Variants in TNIK observed in about 807,000 individuals in gnomAD.
TNIK encodes the protein TRAF2 and NCK interacting kinase.
A neutral mutation model predicts 191.3 loss-of-function variants in TNIK; 49 were observed. The ratio of observed to expected loss-of-function variants is 0.26; its 90% CI spans 0.20 to 0.32. TNIK has a LOEUF of 0.32. Among genes scored for constraint, TNIK ranks in the 10% least tolerant of loss-of-function variants. TNIK has a pLI of 1.00. For missense variants in TNIK, 1,155 were observed against 1,702.3 expected (o/e 0.68, Z 5.66); for synonymous variants, 594 against 600.9 (o/e 0.99, Z 0.17).
At chr3:171,314,940 T>A (rs1754441476) in intron 2 of TNIK, among the ~76,000 whole-genome samples, 1 of 152,244 alleles carries the variant, frequency 6.6e-6, no homozygotes, top group Middle Eastern at 3.4e-3. Flanking sequence ...TATCACAAAT[T>A]CCTGAGTGCT....
At chr3:171,236,817 G>A (rs1036366006) in intron 2 of TNIK, among the ~76,000 whole-genome samples, 3 of 152,038 alleles carry the variant, frequency 2.0e-5, no homozygotes, top group African/African-American at 7.3e-5. Context: ...CTCTCCCCTG[G>A]CCCTGCACAG....
intron 12 of TNIK, among the ~76,000 whole-genome samples, chr3:171,141,656 A>C (rs998869861): frequency 6.6e-6 from 1 of 151,016 alleles, no homozygotes; most frequent in African/African-American, 2.4e-5. Context: ...GTGATGCCAA[A>C]CATCCTGTGC....
intron 9 of TNIK, among the ~76,000 whole-genome samples, chr3:171,168,512 C>G (rs1346564076): frequency 6.6e-6 from 1 of 152,234 alleles, no homozygotes; most frequent in Non-Finnish European, 1.5e-5. Flanking sequence ...ATGCACCACT[C>G]TCTAGTGCTG....
intron 2 of TNIK, among the ~76,000 whole-genome samples, chr3:171,245,475 T>A (rs543550919): frequency 6.6e-6 from 1 of 152,240 alleles, no homozygotes; most frequent in South Asian, 2.1e-4. Context: ...CATAAATTTT[T>A]AAATTTTATT....
At chr3:171,088,948 T>C (rs1360608187) in intron 23 of TNIK, among the ~76,000 whole-genome samples, 5 of 152,248 alleles carry the variant, frequency 3.3e-5, no homozygotes. Context: ...TTCATGCTGT[T>C]TCTTTGACCA....
At chr3:171,220,284 CTAA>C (rs1742137863) in intron 3 of TNIK, among the ~76,000 whole-genome samples, 1 of 152,016 alleles carries the variant, frequency 6.6e-6, no homozygotes, top group African/African-American at 2.4e-5. Flanking sequence ...GGAGAAACAC[CTAA>C]TGTAGATGAC....
chr3:171,421,817 C>T (rs1273392036), intron 1 of TNIK, among the ~76,000 whole-genome samples: 10 of 149,810 alleles, frequency 6.7e-5, no homozygotes, highest in African/African-American at 2.0e-4. Context: ...CTGCAACCTC[C>T]GCCTCCTAGG....
At chr3:171,167,519 A>G (rs1420747855) in intron 9 of TNIK, among the ~76,000 whole-genome samples, 1 of 152,218 alleles carries the variant, frequency 6.6e-6, no homozygotes, top group Non-Finnish European at 1.5e-5. Context: ...TGCACAATTT[A>G]TATGTAACAT....
intron 11 of TNIK, 96 bp downstream of exon 11, chr3:171,161,174 T>C: frequency 7.7e-7 from 1 of 1,297,852 alleles, no homozygotes; most frequent in Non-Finnish European, 1.1e-6. Flanking sequence ...CCTGGTGGAT[T>C]CTTAAAAACG....
chr3:171,089,512 G>T (rs1295763913), intron 23 of TNIK, among the ~76,000 whole-genome samples: 2 of 152,146 alleles, frequency 1.3e-5, no homozygotes. Flanking sequence ...AAAAACTGAT[G>T]CAGACACACT....
intron 2 of TNIK, among the ~76,000 whole-genome samples, chr3:171,259,409 ACT>A (rs1577276708): frequency 6.6e-6 from 1 of 152,142 alleles, no homozygotes; most frequent in South Asian, 2.1e-4. Flanking sequence ...ATTCCTGAAC[ACT>A]CTGCCTGGTG....
intron 27 of TNIK, among the ~76,000 whole-genome samples, chr3:171,081,795 C>T (rs1576756335): frequency 6.6e-6 from 1 of 151,232 alleles, no homozygotes; most frequent in African/African-American, 2.4e-5. Context: ...TAGACTTGAT[C>T]ACCCAGTGTG....
chr3:171,340,635 C>CA (rs1259896589), intron 2 of TNIK, among the ~76,000 whole-genome samples: 1 of 152,180 alleles, frequency 6.6e-6, no homozygotes, highest in Non-Finnish European at 1.5e-5. Context: ...GGCTACCTAT[C>CA]AGCTAGCTTT....
chr3:171,253,233 G>A (rs1269678849), intron 2 of TNIK, among the ~76,000 whole-genome samples: 8 of 146,834 alleles, frequency 5.4e-5, no homozygotes, highest in African/African-American at 1.0e-4. Flanking sequence ...GCAGTGAGCC[G>A]AGATCACACC....
At chr3:171,289,378 T>A (rs752815733) in intron 2 of TNIK, among the ~76,000 whole-genome samples, 8 of 152,204 alleles carry the variant, frequency 5.3e-5, no homozygotes, top group Non-Finnish European at 1.2e-4. Flanking sequence ...TCTTAAAAAC[T>A]CTTCATCTTT....
At chr3:171,266,386 A>G (rs1748409436) in intron 2 of TNIK, among the ~76,000 whole-genome samples, 1 of 152,206 alleles carries the variant, frequency 6.6e-6, no homozygotes, top group African/African-American at 2.4e-5. Context: ...TAAGAGTGGG[A>G]AAACAAAGCA....
At chr3:171,174,159 T>C (rs138273044) in intron 9 of TNIK, among the ~76,000 whole-genome samples, 2 of 152,300 alleles carry the variant, frequency 1.3e-5, no homozygotes, top group South Asian at 4.1e-4. Flanking sequence ...TTCTGTGCAG[T>C]GTGCCCTTTC....
At position 171,123,596 on chromosome 3, in the gene TNIK, C is replaced by T; in HGVS notation, c.2120G>A (p.Ser707Asn). The change falls in exon 18 of 33, where the codon AGC becomes AAC. Residue 707 changes from serine to asparagine, a missense_variant and splice_region_variant. Ser to Asn is a conservative substitution (Grantham distance 46). This residue lies in a region of TNIK where 735 missense variants were observed against 848.0 expected (regional missense o/e 0.87). Transcript: ENST00000436636. ...TACCATAACCACCTTCCTTTCTTAC[C>T]TTGCTCTGATGGGTTGAGATCCTAG... is the stretch of plus-strand genomic sequence containing the variant. ...PRLGSQPIRA[S>N]NPDLRRTEPI... 6.4e-7 allele frequency: 1 copy of T among 1,550,686 alleles called. No homozygotes were observed. Among genetic ancestry groups the T allele is most frequent in the South Asian group, 1.2e-5 (1 of 82,150 alleles).
chr3:171,238,224 T>TTTCAAAAAAATTCATAAAA (rs1303243594), intron 2 of TNIK, among the ~76,000 whole-genome samples: 5 of 151,872 alleles, frequency 3.3e-5, no homozygotes, highest in African/African-American at 1.2e-4. Flanking sequence ...ATTCATAATC[T>TTTCAAAAAAATTCATAAAA]TTCAAAAAAA....
Sources: allele counts gnomAD v4.1 joint callset (sites outside exome capture counted in the v4.1 genomes callset), GRCh38; gene constraint gnomAD v4.1.1; regional missense constraint gnomAD v4.1.1; transcripts MANE v1.5; gene names NCBI Gene and HGNC (gene_info 2026-07-23, HGNC 2026-07-21).